Variants in IRAK2 observed in about 807,000 individuals in gnomAD.
The protein encoded by IRAK2 is interleukin-1 receptor-associated kinase-like 2.
In IRAK2, 57 loss-of-function variants were observed where a neutral mutation model predicts 72.0. The ratio of observed to expected loss-of-function variants is 0.79; its 90% confidence interval spans 0.64 to 0.99. IRAK2 has a LOEUF of 0.99. IRAK2 is among the 50% of genes least tolerant of loss of function. IRAK2 has a pLI of 0.00. For missense variants in IRAK2, 790 were observed against 794.4 expected, an observed-to-expected ratio of 0.99 and a Z score of 0.07; for synonymous variants, 293 against 312.7, an observed-to-expected ratio of 0.94 and a Z score of 0.67.
At chr3:10,167,491 T>A (rs1246284642) in intron 1 of IRAK2, among the ~76,000 whole-genome samples, 2 of 151,972 alleles carry the variant, frequency 1.3e-5, no homozygotes, top group Non-Finnish European at 2.9e-5. Flanking sequence ...CTCGGCTCAC[T>A]GCAAGCTCCA....
At chr3:10,170,109 G>T (rs1254150450) in intron 1 of IRAK2, among the ~76,000 whole-genome samples, 3 of 152,188 alleles carry the variant, frequency 2.0e-5, no homozygotes, top group Admixed American at 1.3e-4. Flanking sequence ...CTAGGGAGGA[G>T]TCGGTCTCCT....
intron 11 of IRAK2, among the ~76,000 whole-genome samples, chr3:10,237,762 C>G (rs992160653): frequency 6.8e-6 from 1 of 147,642 alleles, no homozygotes; most frequent in African/African-American, 2.5e-5. Context: ...AACCGAGATA[C>G]GCCCCTGCAG....
At chr3:10,239,435 G>A (rs1007241936) in intron 12 of IRAK2, among the ~76,000 whole-genome samples, 2 of 152,170 alleles carry the variant, frequency 1.3e-5, no homozygotes, top group South Asian at 2.1e-4. Context: ...CCGGCCAGGC[G>A]AGGTGGCTCA....
At position 10,227,916 on chromosome 3, in the gene IRAK2, G is replaced by A. The variant is rs111822998; in HGVS notation, c.1272+1483G>A. On this transcript the variant is annotated intron_variant, in intron 10 of 12. Transcript: ENST00000256458. Reference sequence around the variant, plus strand: ...AATCTCCTGACCTCGTGATCCGCCCGCCTCGGCCTCCCAAAGTGCTGGGAT... The same window carrying A: ...AATCTCCTGACCTCGTGATCCGCCCACCTCGGCCTCCCAAAGTGCTGGGAT... 6.4e-3 allele frequency among the ~76,000 whole-genome samples: 978 copies of A among 151,998 alleles called. 14 individuals are homozygous for A. Among genetic ancestry groups the A allele is most frequent in the African/African-American group, 0.022 (930 of 41,466 alleles).
chr3:10,228,667 G>A (rs1317718044), intron 10 of IRAK2, among the ~76,000 whole-genome samples: 1 of 152,132 alleles, frequency 6.6e-6, no homozygotes, highest in Admixed American at 6.5e-5. Context: ...CTCTTATCAT[G>A]TTCTGTTGTG....
At chr3:10,182,493 G>C (rs28832886) in intron 2 of IRAK2, among the ~76,000 whole-genome samples, 209 of 151,536 alleles carry the variant, frequency 1.4e-3, no homozygotes, top group African/African-American at 4.8e-3. Context: ...CTGTTAGCCA[G>C]GATGGTCTCG....
chr3:10,169,220 T>C (rs768899108), intron 1 of IRAK2, among the ~76,000 whole-genome samples: 3 of 152,200 alleles, frequency 2.0e-5, no homozygotes, highest in Non-Finnish European at 4.4e-5. Flanking sequence ...TTAGAATTAC[T>C]GGTGAAGGTC....
chr3:10,215,641 C>T (rs1697593313), intron 6 of IRAK2, among the ~76,000 whole-genome samples: 1 of 152,018 alleles, frequency 6.6e-6, no homozygotes, highest in African/African-American at 2.4e-5. Flanking sequence ...CTGCTTTGGC[C>T]TCCAAAAGTG....
At chr3:10,172,872 G>A (rs980353314) in intron 1 of IRAK2, among the ~76,000 whole-genome samples, 3 of 150,410 alleles carry the variant, frequency 2.0e-5, no homozygotes, top group Non-Finnish European at 3.0e-5. Context: ...GTAGAGACGG[G>A]GTTTCATCAT....
chr3:10,169,045 G>A (rs1225959388), intron 1 of IRAK2, among the ~76,000 whole-genome samples: 3 of 152,142 alleles, frequency 2.0e-5, no homozygotes, highest in African/African-American at 4.8e-5. Context: ...CTAGGCCTCT[G>A]GGGGTGCTGT....
At chr3:10,176,123 A>G (rs189494837) in intron 1 of IRAK2, among the ~76,000 whole-genome samples, 27 of 146,608 alleles carry the variant, frequency 1.8e-4, no homozygotes, top group African/African-American at 6.6e-4. Flanking sequence ...GTAAAACACC[A>G]AAAGAAAGAA....
At chr3:10,203,591 G>A (rs1697396403) in intron 3 of IRAK2, among the ~76,000 whole-genome samples, 1 of 152,152 alleles carries the variant, frequency 6.6e-6, no homozygotes, top group African/African-American at 2.4e-5. Context: ...CTTGCAGTAG[G>A]TGGGAAGGAA....
At chr3:10,240,558 C>CCCCCCCCCCCCCCT (rs1274154130) in intron 12 of IRAK2, among the ~76,000 whole-genome samples, 1 of 18,066 alleles carries the variant, frequency 5.5e-5, no homozygotes, top group Non-Finnish European at 8.2e-5. Context: ...CCCCCCCCGC[C>CCCCCCCCCCCCCCT]TTTTTTTTTT....
At chr3:10,178,863 T>G (rs1248337177) in intron 2 of IRAK2, among the ~76,000 whole-genome samples, 1 of 152,006 alleles carries the variant, frequency 6.6e-6, no homozygotes, top group East Asian at 1.9e-4. Flanking sequence ...AGAGCAATAG[T>G]GTGATCAAAG....
chr3:10,230,477 T>C (rs978030201), intron 10 of IRAK2, among the ~76,000 whole-genome samples: 1 of 152,086 alleles, frequency 6.6e-6, no homozygotes, highest in African/African-American at 2.4e-5. Context: ...CATGAGCCAC[T>C]GTGCCTGGCA....
chr3:10,184,625 A>T (rs1034106928), intron 2 of IRAK2, among the ~76,000 whole-genome samples: 26 of 151,208 alleles, frequency 1.7e-4, no homozygotes, highest in African/African-American at 6.1e-4. Flanking sequence ...ACTTGAGATG[A>T]GAAACACGAG....
Position 10,213,488 on chromosome 3 carries a change from C to G in IRAK2, c.728C>G (p.Ala243Gly). ...TTCTGATGTCTTTCTCTACAGACAG[C>G]CTGTTCAAGTCCAGGATCAATCGAA... ...PFVFKKLRET[A>G]CSSPGSIERF... Residue 243 changes from alanine (A) to glycine (G), a missense_variant, in exon 6 of 13, where the codon GCC (alanine) becomes GGC (glycine). Transcript: ENST00000256458. 1 of 1,614,010 alleles carries G rather than the reference C, an allele frequency of 6.2e-7. No individual in the cohort carries two copies. Among genetic ancestry groups the G allele is most frequent in the East Asian group, 2.2e-5 (1 of 44,878 alleles).
chr3:10,212,079 C>A (rs1481400593), intron 4 of IRAK2, among the ~76,000 whole-genome samples: 581 of 121,040 alleles, frequency 4.8e-3, no homozygotes, highest in South Asian at 5.6e-3. Context: ...GACTCTGTCT[C>A]AAAAAAAAAA....
chr3:10,197,088 A>G (rs1277542115), intron 2 of IRAK2, among the ~76,000 whole-genome samples: 1 of 152,102 alleles, frequency 6.6e-6, no homozygotes, highest in Non-Finnish European at 1.5e-5. Flanking sequence ...ACCCCACAAT[A>G]TAAAACAGGC....
Sources: gnomAD v4.1 joint callset for allele counts (sites outside exome capture counted in the v4.1 genomes callset) on GRCh38, gnomAD v4.1.1 for gene constraint, MANE v1.5 for transcripts, NCBI Gene and HGNC (gene_info 2026-07-23, HGNC 2026-07-21) for gene names.